Variants in KDM4C observed in about 807,000 individuals in gnomAD.
The protein encoded by KDM4C is lysine-specific demethylase 4C.
In KDM4C, 81 loss-of-function variants were observed where a neutral mutation model predicts 129.3. The ratio of observed to expected loss-of-function variants is 0.63; its 90% confidence interval spans 0.52 to 0.75. The LOEUF (loss-of-function observed/expected upper bound fraction) is 0.75, where lower values mean the gene tolerates loss of function less well. KDM4C is among the 30% of genes least tolerant of loss of function. KDM4C has a pLI of 0.00. For synonymous variants in KDM4C, 573 were observed against 456.1 expected, an observed-to-expected ratio of 1.26 and a Z score of -3.26; for missense variants, 1,457 against 1,304.0, an observed-to-expected ratio of 1.12 and a Z score of -1.81.
intron 20 of KDM4C, among the ~76,000 whole-genome samples, chr9:7,166,456 GTATGTGTGTC>G (rs776072314): frequency 6.6e-6 from 1 of 151,588 alleles, no homozygotes; most frequent in African/African-American, 2.4e-5. Flanking sequence ...GTGTATGTGT[GTATGTGTGTC>G]TGTGTGTGTA....
chr9:7,125,026 C>T (rs1242794005), intron 18 of KDM4C, among the ~76,000 whole-genome samples: 1 of 152,148 alleles, frequency 6.6e-6, no homozygotes, highest in African/African-American at 2.4e-5. Context: ...ACCTGGATCA[C>T]CTGTCTTCTA....
At chr9:6,780,768 CAAAAAAAA>C (rs34457968) in intron 1 of KDM4C, among the ~76,000 whole-genome samples, 4 of 32,154 alleles carry the variant, frequency 1.2e-4, no homozygotes, top group African/African-American at 5.2e-4. Flanking sequence ...AACTCCCTCT[CAAAAAAAA>C]AAAAAAAAAA....
chr9:6,789,884 T>G (rs966957921), intron 1 of KDM4C, among the ~76,000 whole-genome samples: 16 of 152,154 alleles, frequency 1.1e-4, no homozygotes, highest in African/African-American at 3.6e-4. Flanking sequence ...TGCAGATTAT[T>G]TTCTCCTTTG....
intron 17 of KDM4C, among the ~76,000 whole-genome samples, chr9:7,068,897 G>A (rs1832817620): frequency 6.6e-6 from 1 of 151,462 alleles, no homozygotes; most frequent in Non-Finnish European, 1.5e-5. Flanking sequence ...GAGTTTCATC[G>A]TGTTGGCCAG....
intron 8 of KDM4C, among the ~76,000 whole-genome samples, chr9:6,905,061 A>AAC (rs1818075043): frequency 6.6e-6 from 1 of 152,270 alleles, no homozygotes; most frequent in Non-Finnish European, 1.5e-5. Flanking sequence ...TGCAGAGAGC[A>AAC]GATGGTGCTT....
chr9:7,103,388 C>A lies in KDM4C; in HGVS notation c.2425-297C>A, dbSNP rs940442154. 4.8e-4 allele frequency among the ~76,000 whole-genome samples: 73 copies of A among 152,172 alleles called. 1 individual carries two copies. The highest frequency in any genetic ancestry group is 2.1e-4 in the South Asian group (1 of 4,818). On this transcript the variant is annotated intron_variant, in intron 17 of 21. Coordinates refer to ENST00000381309, the MANE Select transcript of KDM4C (RefSeq NM_015061.6). ...TATAGGAGCACCTCTGGGGTCTTTT[C>A]CCGAGCTCTGTGCCTGCAGGAGTAT...
At chr9:6,909,216 T>C (rs1818848541) in intron 8 of KDM4C, among the ~76,000 whole-genome samples, 1 of 152,250 alleles carries the variant, frequency 6.6e-6, no homozygotes, top group Admixed American at 6.5e-5. Context: ...GGTCTGCTTC[T>C]TGTCCAGCTG....
chr9:6,728,806 A>T (rs1817228677), intron 1 of KDM4C, among the ~76,000 whole-genome samples: 1 of 151,972 alleles, frequency 6.6e-6, no homozygotes, highest in South Asian at 2.1e-4. Context: ...AGATTGTACC[A>T]CCACACTCCA....
chr9:6,811,532 A>C (rs1387853130), intron 3 of KDM4C, among the ~76,000 whole-genome samples: 1 of 152,154 alleles, frequency 6.6e-6, no homozygotes, highest in East Asian at 1.9e-4. Flanking sequence ...TTGGTTGATA[A>C]TGCAATGTAG....
chr9:7,095,755 G>A (rs1204284230), intron 17 of KDM4C, among the ~76,000 whole-genome samples: 2 of 152,136 alleles, frequency 1.3e-5, no homozygotes, highest in Non-Finnish European at 2.9e-5. Flanking sequence ...TTTATAGGGT[G>A]GAGAGCATAC....
At chr9:6,769,544 C>T (rs1462109997) in intron 1 of KDM4C, among the ~76,000 whole-genome samples, 2 of 152,154 alleles carry the variant, frequency 1.3e-5, no homozygotes, top group African/African-American at 2.4e-5. Context: ...TGCTAACTAA[C>T]ATCACAGAGA....
intron 19 of KDM4C, among the ~76,000 whole-genome samples, chr9:7,146,430 G>A (rs1842221911): frequency 6.6e-6 from 1 of 152,066 alleles, no homozygotes; most frequent in African/African-American, 2.4e-5. Flanking sequence ...TTTACAGATT[G>A]CTTTGTCAAA....
chr9:6,945,336 T>C (rs1457217758), intron 8 of KDM4C, among the ~76,000 whole-genome samples: 1 of 152,228 alleles, frequency 6.6e-6, no homozygotes, highest in Non-Finnish European at 1.5e-5. Flanking sequence ...CAATTTTACC[T>C]GTCACCCTGG....
intron 13 of KDM4C, among the ~76,000 whole-genome samples, chr9:7,012,596 T>C (rs1407740479): frequency 6.6e-6 from 1 of 152,188 alleles, no homozygotes; most frequent in African/African-American, 2.4e-5. Context: ...CAAGACTCAC[T>C]ACAAACTAAA....
chr9:6,809,637 G>A (rs1830776940), intron 3 of KDM4C, among the ~76,000 whole-genome samples: 1 of 152,162 alleles, frequency 6.6e-6, no homozygotes, highest in Admixed American at 6.5e-5. Flanking sequence ...AGGCACTATT[G>A]AGATGGATTT....
At chr9:7,037,181 GT>G (rs962015330) in intron 15 of KDM4C, among the ~76,000 whole-genome samples, 2 of 152,096 alleles carry the variant, frequency 1.3e-5, no homozygotes, top group Admixed American at 1.3e-4. Flanking sequence ...CTATTTTACG[GT>G]TTTGTGTTTC....
At position 6,814,742 on chromosome 9, in the gene KDM4C, T is replaced by G. The variant is rs748813590; in HGVS notation, c.432T>G (p.Asp144Glu). ...CAGATATTAATGGGAGCATATATGA[T>G]GAGGTACATTCATATTTACAGTGAG... ...YGADINGSIY[D>E]EGVDEWNIAR... The change falls in exon 4 of 22, where the codon GAT (aspartate) becomes GAG (glutamate). Residue 144 changes from aspartate (D) to glutamate (E), a missense_variant. Transcript: ENST00000381309. 4 of 1,541,426 alleles carry G rather than the reference T, an allele frequency of 2.6e-6. No individual in the cohort carries two copies. The highest frequency in any genetic ancestry group is 2.3e-5 in the East Asian group (1 of 44,288).
At chr9:6,802,809 G>A (rs1829258040) in intron 2 of KDM4C, among the ~76,000 whole-genome samples, 1 of 152,202 alleles carries the variant, frequency 6.6e-6, no homozygotes. Flanking sequence ...GTTTCACCAT[G>A]TTGGCCAAGC....
At chr9:6,755,243 C>T (rs565168310), upstream of KDM4C, among the ~76,000 whole-genome samples, 20 of 152,266 alleles carry the variant, frequency 1.3e-4, no homozygotes, top group South Asian at 2.9e-3. Flanking sequence ...TGGTAGCACG[C>T]GCCTGTAGTC....
Sources: gnomAD v4.1 joint callset for allele counts (sites outside exome capture counted in the v4.1 genomes callset) on GRCh38, gnomAD v4.1.1 for gene constraint, MANE v1.5 for transcripts, NCBI Gene and HGNC (gene_info 2026-07-23, HGNC 2026-07-21) for gene names.